OR4N2: variants seen among roughly 807,000 people sequenced by gnomAD.
The protein encoded by OR4N2 is olfactory receptor family 4 subfamily N member 2, also known as olfactory receptor 4N2.
For synonymous variants in OR4N2, 141 were observed against 140.4 expected, an observed-to-expected ratio of 1.00 and a Z score of -0.03; for missense variants, 307 against 377.6, an observed-to-expected ratio of 0.81 and a Z score of 1.55.
intron 1 of OR4N2, among the ~76,000 whole-genome samples, chr14:19,825,526 CTTA>C (rs1386535023): frequency 1.4e-5 from 2 of 140,752 alleles, no homozygotes; most frequent in Non-Finnish European, 3.2e-5. Context: ...TGCTAGAGCA[CTTA>C]TTTATTTATT....
intron 1 of OR4N2, among the ~76,000 whole-genome samples, chr14:19,812,774 A>G (rs1278767965): frequency 1.3e-5 from 2 of 152,134 alleles, no homozygotes; most frequent in African/African-American, 2.4e-5. Context: ...TCACGTGCTT[A>G]TTGGCCGTAA....
chr14:19,809,596 A>G (rs1879247361), intron 1 of OR4N2, among the ~76,000 whole-genome samples: 1 of 152,252 alleles, frequency 6.6e-6, no homozygotes. Context: ...ACCCAACCTC[A>G]AACTATACTA....
intron 1 of OR4N2, among the ~76,000 whole-genome samples, chr14:19,819,216 A>G (rs1281299164): frequency 5.9e-5 from 9 of 152,170 alleles, no homozygotes; most frequent in Non-Finnish European, 7.4e-5. Flanking sequence ...TATTTCCTGA[A>G]TTTTAATGTT....
At chr14:19,826,252 A>G (rs1270408168) in intron 1 of OR4N2, among the ~76,000 whole-genome samples, 1 of 152,258 alleles carries the variant, frequency 6.6e-6, no homozygotes, top group Admixed American at 6.5e-5. Flanking sequence ...TTTCTTCACA[A>G]TGCACATTGT....
Position 19,830,031 on chromosome 14 carries a change from C to G in OR4N2, c.*1659C>G, listed in dbSNP as rs1434428700. On this transcript the variant is annotated 3_prime_UTR_variant, in exon 2 of 2. Transcript: ENST00000557677. ...TTAACTTCTCCTGAGACTGAGTGAC[C>G]TGATCCTGCTCCTACAGAAGTAAAC... is the stretch of plus-strand genomic sequence containing the variant. The G allele has an allele frequency of 6.6e-6, 1 of 152,516 alleles. No homozygotes were observed. Among genetic ancestry groups the G allele is most frequent in the Non-Finnish European group, 1.5e-5 (1 of 68,274 alleles). 9.4% of individuals were successfully genotyped at this position (152,516 alleles called of 1,614,324 possible). A position where few individuals can be genotyped will look rare whatever the true frequency, so the allele number is the denominator to read the frequency against.
In OR4N2 at chr14:19,817,359, C is replaced by T. The variant is rs561576340; in HGVS notation, c.-9-10081C>T. ...GTTGGTAGGCTATTAATTACTGCCT[C>T]GATTTCAAAACTTGTTATTTGTCTA... On this transcript the variant is annotated intron_variant, in intron 1 of 1. Transcript: ENST00000557677. 3.9e-5 allele frequency among the ~76,000 whole-genome samples: 6 copies of T among 152,332 alleles called. No homozygotes were observed. In the East Asian group the frequency reaches 5.8e-4, roughly 15 times the overall value.
At chr14:19,825,752 G>A (rs1311182948) in intron 1 of OR4N2, among the ~76,000 whole-genome samples, 1 of 152,016 alleles carries the variant, frequency 6.6e-6, no homozygotes, top group African/African-American at 2.4e-5. Flanking sequence ...TAGAGATAGG[G>A]TTTCACCGTG....
chr14:19,826,017 C>T (rs1463276506), intron 1 of OR4N2, among the ~76,000 whole-genome samples: 11 of 152,128 alleles, frequency 7.2e-5, no homozygotes, highest in Non-Finnish European at 1.5e-4. Context: ...TAAATGTATG[C>T]ATATTTATTT....
At chr14:19,816,380 G>A (rs1305927815) in intron 1 of OR4N2, among the ~76,000 whole-genome samples, 1 of 152,216 alleles carries the variant, frequency 6.6e-6, no homozygotes, top group African/African-American at 2.4e-5. Context: ...TCCTTGAGCG[G>A]TGGTTTGTAA....
At chr14:19,816,008 T>C (rs552556067) in intron 1 of OR4N2, among the ~76,000 whole-genome samples, 12 of 152,270 alleles carry the variant, frequency 7.9e-5, no homozygotes, top group African/African-American at 2.9e-4. Context: ...CAGATGGTTG[T>C]AGACGTGTGG....
intron 1 of OR4N2, among the ~76,000 whole-genome samples, chr14:19,825,524 CACTTATTTATTT>C (rs1309170681): frequency 0.011 from 1,652 of 149,258 alleles, 12 homozygotes; most frequent in Middle Eastern, 0.039. Flanking sequence ...TGTGCTAGAG[CACTTATTTATTT>C]ATTTATTTAT....
intron 1 of OR4N2, among the ~76,000 whole-genome samples, chr14:19,816,257 G>C (rs897825229): frequency 6.6e-6 from 1 of 152,206 alleles, no homozygotes; most frequent in Non-Finnish European, 1.5e-5. Flanking sequence ...TAGCTTGATG[G>C]GGATAGCATT....
At chr14:19,810,584 T>C (rs1251945910) in intron 1 of OR4N2, among the ~76,000 whole-genome samples, 2 of 152,168 alleles carry the variant, frequency 1.3e-5, no homozygotes, top group East Asian at 3.8e-4. Flanking sequence ...TTGCCATCAA[T>C]GGTAAACTGT....
intron 1 of OR4N2, among the ~76,000 whole-genome samples, chr14:19,824,942 C>A (rs1189812778): frequency 1.3e-5 from 2 of 152,250 alleles, no homozygotes. Context: ...CACAGGGGGT[C>A]TGCCCCCTTA....
chr14:19,828,378 G>C lies in OR4N2; in HGVS notation c.*6G>C, dbSNP rs1566470395. On this transcript the variant is annotated 3_prime_UTR_variant, in exon 2 of 2. Transcript: ENST00000557677. ...TTAATAAGCACATAGCCTGAAAAAGGGCGCAAAAAAAAAAAGAATAAAAAT... is the reference window on the plus strand; with the variant it reads ...TTAATAAGCACATAGCCTGAAAAAGCGCGCAAAAAAAAAAAGAATAAAAAT... 6 of 1,560,588 alleles carry C rather than the reference G, an allele frequency of 3.8e-6. No individual in the cohort carries two copies. The highest frequency in any genetic ancestry group is 5.2e-6 in the Non-Finnish European group (6 of 1,160,194).
At chr14:19,811,559 T>C (rs561948296) in intron 1 of OR4N2, among the ~76,000 whole-genome samples, 2 of 152,376 alleles carry the variant, frequency 1.3e-5, no homozygotes, top group East Asian at 3.9e-4. Context: ...CATAAAATTT[T>C]AAAACAAAGT....
chr14:19,819,981 T>C (rs187136367), intron 1 of OR4N2, among the ~76,000 whole-genome samples: 11 of 152,270 alleles, frequency 7.2e-5, no homozygotes, highest in East Asian at 3.8e-4. Flanking sequence ...GGAAGTCCAC[T>C]CCAGACCCTG....
At chr14:19,824,786 T>C (rs1372986345) in intron 1 of OR4N2, among the ~76,000 whole-genome samples, 1 of 152,272 alleles carries the variant, frequency 6.6e-6, no homozygotes, top group African/African-American at 2.4e-5. Flanking sequence ...TGTAGCTTAG[T>C]TTATTGTAGG....
chr14:19,825,438 C>T (rs1469115688), intron 1 of OR4N2, among the ~76,000 whole-genome samples: 3 of 152,204 alleles, frequency 2.0e-5, no homozygotes, highest in South Asian at 2.1e-4. Context: ...CCTATATCTT[C>T]TTGTCTTTCT....
Sources: gnomAD v4.1 joint callset for allele counts (sites outside exome capture counted in the v4.1 genomes callset) on GRCh38, gnomAD v4.1.1 for gene constraint, MANE v1.5 for transcripts, NCBI Gene and HGNC (gene_info 2026-07-23, HGNC 2026-07-21) for gene names.